NPHP4: variants seen among roughly 807,000 people sequenced by gnomAD.
The protein encoded by NPHP4 is nephrocystin 4.
A neutral mutation model predicts 155.8 loss-of-function variants in NPHP4; 151 were observed. The observed-to-expected ratio is 0.97, with a 90% CI of 0.85 to 1.11. The LOEUF is 1.11. Ranked by LOEUF, NPHP4 falls within the 50% of genes least tolerant of loss-of-function variation. The pLI, the probability that NPHP4 is intolerant of heterozygous loss-of-function variation, is 0.00. For missense variants in NPHP4, 1,956 were observed against 1,925.7 expected, an observed-to-expected ratio of 1.02 and a Z score of -0.29; for synonymous variants, 845 against 816.8, an observed-to-expected ratio of 1.03 and a Z score of -0.59.
intron 16 of NPHP4, among the ~76,000 whole-genome samples, chr1:5,895,557 A>G (rs924725196): frequency 3.3e-5 from 5 of 152,206 alleles, no homozygotes; most frequent in African/African-American, 1.2e-4. Flanking sequence ...CTTCACATCT[A>G]TGGGACTGTA....
At chr1:5,911,450 C>T (rs1046407386) in intron 11 of NPHP4, among the ~76,000 whole-genome samples, 9 of 152,218 alleles carry the variant, frequency 5.9e-5, no homozygotes, top group East Asian at 1.9e-4. Flanking sequence ...GCCAGCCCTC[C>T]GTGCCTGTGT....
chr1:5,954,165 T>C (rs2102021498), intron 6 of NPHP4, among the ~76,000 whole-genome samples: 1 of 152,330 alleles, frequency 6.6e-6, no homozygotes, highest in Middle Eastern at 3.4e-3. Flanking sequence ...AGCAAAGATT[T>C]ATGTGCAAGA....
intron 19 of NPHP4, among the ~76,000 whole-genome samples, chr1:5,878,355 CT>C (rs758060166): frequency 4.4e-4 from 67 of 152,224 alleles, no homozygotes; most frequent in Admixed American, 6.5e-4. Context: ...CCGCGTGGCT[CT>C]TACAAGTCTC....
Position 5,900,035 on chromosome 1 carries a change from G to A in NPHP4, c.2143+4582C>T, listed in dbSNP as rs141734453. ...ACACCACTGCACTGCCTGCTAGAGC[G>A]GCTAAAATCCAAACCACTGACAACA... is the stretch of plus-strand genomic sequence containing the variant. On this transcript the variant is annotated intron_variant, in intron 16 of 29. Transcript: ENST00000378156. Among the ~76,000 whole-genome samples, 381 of 152,286 alleles carry A rather than the reference G, an allele frequency of 2.5e-3. 5 individuals carry two copies. Among genetic ancestry groups the A allele is most frequent in the Non-Finnish European group, 3.1e-3 (213 of 68,032 alleles).
chr1:5,891,385 T>A (rs1368978132), intron 16 of NPHP4, among the ~76,000 whole-genome samples: 1 of 152,234 alleles, frequency 6.6e-6, no homozygotes, highest in Non-Finnish European at 1.5e-5. Flanking sequence ...GTAGTCTACA[T>A]CTGCTGTCAA....
chr1:5,928,592 T>C (rs1646129458), intron 10 of NPHP4, among the ~76,000 whole-genome samples: 2 of 146,984 alleles, frequency 1.4e-5, no homozygotes, highest in Non-Finnish European at 3.0e-5. Context: ...TTTAATTTCA[T>C]AAGGCACTTC....
intron 1 of NPHP4, among the ~76,000 whole-genome samples, chr1:5,990,329 T>C (rs1371250416): frequency 6.6e-6 from 1 of 151,608 alleles, no homozygotes; most frequent in Non-Finnish European, 1.5e-5. Flanking sequence ...AAGGATGAAA[T>C]ACAAATGCCC....
chr1:5,879,053 G>A (rs1642913814), intron 19 of NPHP4, among the ~76,000 whole-genome samples: 1 of 152,162 alleles, frequency 6.6e-6, no homozygotes, highest in Non-Finnish European at 1.5e-5. Flanking sequence ...GAATCCCTTT[G>A]AGCCCCTCAT....
chr1:5,863,316 G>T lies in NPHP4; in HGVS notation c.4230C>A (p.Asp1410Glu). The T allele has an allele frequency of 1.2e-6, 2 of 1,613,992 alleles. No homozygotes were observed. Among genetic ancestry groups the T allele is most frequent in the South Asian group, 2.2e-5 (2 of 91,082 alleles). Residue 1410 changes from aspartate (D) to glutamate (E), a missense_variant, in exon 30 of 30, where the codon GAC (aspartate) becomes GAA (glutamate). Physicochemically the swap from Asp to Glu is conservative, Grantham distance 45. Coordinates refer to ENST00000378156, the MANE Select transcript of NPHP4 (RefSeq NM_015102.5). The part of the protein sequence containing the change: ...GEEEILIYIN[D>E]HEDKNEEAFC... ...ATGCCTCTTCGTTTTTGTCCTCATG[G>T]TCATTGATGTAGATCAGGATCTCCT... is the stretch of plus-strand genomic sequence containing the variant.
At chr1:5,930,183 C>T (rs1209083629) in intron 10 of NPHP4, among the ~76,000 whole-genome samples, 1 of 152,146 alleles carries the variant, frequency 6.6e-6, no homozygotes, top group African/African-American at 2.4e-5. Flanking sequence ...TTTGTGTCCT[C>T]CCTTCTTTTT....
Position 5,905,119 on chromosome 1 carries a change from A to G in NPHP4, c.1955+173T>C, listed in dbSNP as rs11122125. On this transcript the variant is annotated intron_variant, in intron 15 of 29. Coordinates refer to ENST00000378156, the MANE Select transcript of NPHP4 (RefSeq NM_015102.5). The surrounding 1 kb of genome is among the most constrained non-coding windows in gnomAD (Gnocchi z 4.0). ...GATGGGGTAAAGCAGCTTTCACAGC[A>G]TTTAGCATGCTGTGGGTGGGTCCTA... Among the ~76,000 whole-genome samples, 61,376 of 152,048 alleles carry G rather than the reference A, an allele frequency of 0.4. 12,984 individuals are homozygous for G. The highest frequency in any genetic ancestry group is 0.75 in the East Asian group (3,863 of 5,172).
Position 5,948,101 on chromosome 1 carries a change from T to G in NPHP4, c.961A>C (p.Ser321Arg). The change falls in exon 8 of 30, where the codon AGC becomes CGC. Residue 321 changes from serine to arginine, a missense_variant. Ser to Arg is a moderately radical substitution (Grantham distance 110, BLOSUM62 -1). Coordinates refer to ENST00000378156, the MANE Select transcript of NPHP4 (RefSeq NM_015102.5). ...DVALTRSASF[S>R]RKVVSSSKTS... ...TTGGAAGAGGAGACCACTTTCCTGC[T>G]GAAGCTAGCTGAGCGCGTCAAGGCC... is the stretch of plus-strand genomic sequence containing the variant. 6.2e-7 allele frequency: 1 copy of G among 1,613,920 alleles called. No individual in the cohort carries two copies. Among genetic ancestry groups the G allele is most frequent in the South Asian group, 1.1e-5 (1 of 91,074 alleles).
intron 11 of NPHP4, among the ~76,000 whole-genome samples, chr1:5,925,482 TC>T (rs1645952996): frequency 6.6e-6 from 1 of 152,206 alleles, no homozygotes; most frequent in Non-Finnish European, 1.5e-5. Flanking sequence ...TAATCTAAGG[TC>T]CTCCGTTTTT....
chr1:5,965,387 G>C (rs1282387758), intron 5 of NPHP4, among the ~76,000 whole-genome samples: 1 of 152,108 alleles, frequency 6.6e-6, no homozygotes, highest in Non-Finnish European at 1.5e-5. Flanking sequence ...CAGACGCATG[G>C]ACATGTGGAC....
At chr1:5,924,913 T>C (rs1645920630) in intron 11 of NPHP4, among the ~76,000 whole-genome samples, 1 of 152,116 alleles carries the variant, frequency 6.6e-6, no homozygotes, top group African/African-American at 2.4e-5. Context: ...GCCTCAGCCT[T>C]CTAAAGTGCT....
Position 5,874,499 on chromosome 1 carries a change from A to C in NPHP4, c.3203T>G (p.Phe1068Cys), listed in dbSNP as rs764323785. Reference protein sequence around the residue: ...TAHVPFKFQSFSAGQLAMVQA... With the variant: ...TAHVPFKFQSCSAGQLAMVQA... ...CACCATGGCCAGCTGCCCTGCAGAG[A>C]AGCTCTGGAACTTGAAGGGGACGTG... The change falls in exon 22 of 30, where the codon TTC becomes TGC. Residue 1068 changes from phenylalanine to cysteine, a missense_variant. Phe to Cys is a radical substitution (Grantham distance 205). Coordinates refer to ENST00000378156, the MANE Select transcript of NPHP4 (RefSeq NM_015102.5). 34 of 1,567,336 alleles carry C rather than the reference A, an allele frequency of 2.2e-5. No homozygotes were observed. The highest frequency in any genetic ancestry group is 1.9e-4 in the African/African-American group (14 of 73,672).
chr1:5,868,747 AC>A (rs1314685241), intron 23 of NPHP4, among the ~76,000 whole-genome samples: 1 of 101,382 alleles, frequency 9.9e-6, no homozygotes, highest in Non-Finnish European at 2.3e-5. Flanking sequence ...ATGCACCCAC[AC>A]ATGTACACAT....
chr1:5,991,406 A>G (rs1172963745), intron 1 of NPHP4: 9 of 152,280 alleles, frequency 5.9e-5, no homozygotes, highest in Non-Finnish European at 1.3e-4. Flanking sequence ...GCTGCCCACC[A>G]TCAACAGAAA....
chr1:5,940,368 C>T lies in NPHP4; in HGVS notation c.1119+6736G>A, dbSNP rs562918423. Among the ~76,000 whole-genome samples the T allele has an allele frequency of 4.6e-5, 7 of 152,136 alleles. No homozygotes were observed. In the South Asian group the frequency reaches 8.3e-4, roughly 18 times the overall value. ...ACCTTGATCTTGGACTCCCCATCCT[C>T]CAGAACCATGCATGAGCCAATAAAT... On this transcript the variant is annotated intron_variant, in intron 9 of 29. Coordinates refer to ENST00000378156, the MANE Select transcript of NPHP4 (RefSeq NM_015102.5).
Sources: allele counts gnomAD v4.1 joint callset (sites outside exome capture counted in the v4.1 genomes callset), GRCh38; gene constraint gnomAD v4.1.1; non-coding constraint Gnocchi (gnomAD v3.1); transcripts MANE v1.5; gene names NCBI Gene and HGNC (gene_info 2026-07-23, HGNC 2026-07-21).